RAB30: variants seen among roughly 807,000 people sequenced by gnomAD.
RAB30 encodes RAB30, member RAS oncogene family.
Under a neutral mutation model 25.1 loss-of-function variants are expected in RAB30, and 9 were observed. The observed-to-expected ratio is 0.36, with a 90% CI of 0.22 to 0.63. The LOEUF (loss-of-function observed/expected upper bound fraction) is 0.63, where lower values mean the gene tolerates loss of function less well. Ranked by LOEUF, RAB30 falls within the 20% of genes least tolerant of loss-of-function variation. The pLI is 0.69. For synonymous variants in RAB30, 77 were observed against 86.4 expected (o/e 0.89, Z 0.60); for missense variants, 140 against 243.5 (o/e 0.58, Z 2.83).
At chr11:83,049,973 T>C (rs986970579) in intron 1 of RAB30, among the ~76,000 whole-genome samples, 4 of 152,114 alleles carry the variant, frequency 2.6e-5, no homozygotes, top group Non-Finnish European at 4.4e-5. Context: ...ATTTTAATAA[T>C]GGGGCCAAGC....
chr11:83,069,433 A>T (rs11233448), intron 1 of RAB30, among the ~76,000 whole-genome samples: 34,603 of 152,090 alleles, frequency 0.23, 4,575 homozygotes, highest in Admixed American at 0.29. Flanking sequence ...AAGAGAAGAG[A>T]ATAAAATAAC....
chr11:83,022,161 G>A (rs903055537), intron 1 of RAB30, among the ~76,000 whole-genome samples: 1 of 151,944 alleles, frequency 6.6e-6, no homozygotes, highest in Non-Finnish European at 1.5e-5. Context: ...TGGGGGTGAA[G>A]GGGTGGGAGA....
intron 1 of RAB30, among the ~76,000 whole-genome samples, chr11:83,016,779 G>A (rs1857447924): frequency 6.6e-6 from 1 of 152,230 alleles, no homozygotes; most frequent in Non-Finnish European, 1.5e-5. Flanking sequence ...GGAAGCTTCA[G>A]AGAACTTGGG....
chr11:83,043,368 TAA>T (rs1858170494), intron 1 of RAB30, among the ~76,000 whole-genome samples: 1 of 152,190 alleles, frequency 6.6e-6, no homozygotes, highest in Non-Finnish European at 1.5e-5. Flanking sequence ...CAGCTGAGCC[TAA>T]TCCACATTAG....
intron 1 of RAB30, among the ~76,000 whole-genome samples, chr11:83,045,141 T>C (rs917612461): frequency 5.9e-5 from 9 of 152,214 alleles, no homozygotes; most frequent in Non-Finnish European, 1.0e-4. Flanking sequence ...GAACTCCCAT[T>C]GACTCATCAC....
intron 3 of RAB30, chr11:82,992,412 A>G (rs1346366238): frequency 4.4e-6 from 2 of 455,930 alleles, no homozygotes; most frequent in African/African-American, 4.0e-5. Flanking sequence ...CAGGGCTGGA[A>G]GAGACACTGA....
intron 1 of RAB30, among the ~76,000 whole-genome samples, chr11:83,069,822 T>C (rs1214692797): frequency 6.6e-6 from 1 of 152,182 alleles, no homozygotes; most frequent in Admixed American, 6.5e-5. Flanking sequence ...ATTATGTCTG[T>C]CACAGGAACT....
intron 1 of RAB30, among the ~76,000 whole-genome samples, chr11:83,056,822 T>A (rs1428254515): frequency 1.3e-5 from 2 of 152,214 alleles, no homozygotes; most frequent in Non-Finnish European, 2.9e-5. Context: ...AACACAGTGC[T>A]TGGCAGGTCA....
chr11:83,069,769 G>T (rs531933588), intron 1 of RAB30, among the ~76,000 whole-genome samples: 1 of 152,298 alleles, frequency 6.6e-6, no homozygotes, highest in African/African-American at 2.4e-5. Context: ...AGTGGCATGA[G>T]CCCAACTGCA....
At chr11:83,030,149 C>T (rs1410119476) in intron 1 of RAB30, among the ~76,000 whole-genome samples, 1 of 152,044 alleles carries the variant, frequency 6.6e-6, no homozygotes, top group African/African-American at 2.4e-5. Context: ...TAGAATTTAT[C>T]CATGTAACCA....
chr11:83,021,368 G>A (rs1857574396), intron 1 of RAB30, among the ~76,000 whole-genome samples: 1 of 152,252 alleles, frequency 6.6e-6, no homozygotes, highest in Non-Finnish European at 1.5e-5. Context: ...CTGATCCAGG[G>A]CTGTGACTCC....
chr11:82,988,406 G>A (rs530197843), intron 3 of RAB30, among the ~76,000 whole-genome samples: 1 of 152,320 alleles, frequency 6.6e-6, no homozygotes, highest in South Asian at 2.1e-4. Flanking sequence ...AATTCAAATG[G>A]ATGTATTAAG....
intron 1 of RAB30, among the ~76,000 whole-genome samples, chr11:83,002,547 G>A (rs1857107978): frequency 6.6e-6 from 1 of 151,830 alleles, no homozygotes; most frequent in Non-Finnish European, 1.5e-5. Flanking sequence ...ATTTTAAAAA[G>A]ATACAGGAAA....
At chr11:83,014,700 G>GAAA (rs1175614126) in intron 1 of RAB30, among the ~76,000 whole-genome samples, 1 of 135,300 alleles carries the variant, frequency 7.4e-6, no homozygotes, top group African/African-American at 2.7e-5. Context: ...GAAAGAGAAA[G>GAAA]GAAGGAAGGA....
intron 1 of RAB30, among the ~76,000 whole-genome samples, chr11:83,055,903 T>C (rs1474797883): frequency 7.6e-6 from 1 of 132,244 alleles, no homozygotes; most frequent in Non-Finnish European, 1.6e-5. Flanking sequence ...GCCTGGATCT[T>C]GGACTTTTCC....
At chr11:82,995,507 A>C (rs1856939431) in intron 2 of RAB30, among the ~76,000 whole-genome samples, 1 of 152,216 alleles carries the variant, frequency 6.6e-6, no homozygotes, top group Non-Finnish European at 1.5e-5. Flanking sequence ...AAACAGCTAG[A>C]TCCAGTTCAT....
intron 1 of RAB30, among the ~76,000 whole-genome samples, chr11:83,009,705 G>C (rs889191718): frequency 8.5e-4 from 130 of 152,154 alleles, no homozygotes; most frequent in Non-Finnish European, 1.7e-3. Flanking sequence ...ATGGCCACTG[G>C]TGTTAACCTA....
chr11:83,053,932 A>G (rs1858406033), intron 1 of RAB30, among the ~76,000 whole-genome samples: 1 of 152,218 alleles, frequency 6.6e-6, no homozygotes, highest in Non-Finnish European at 1.5e-5. Context: ...TCTACTAAAA[A>G]TACAAAAAGT....
chr11:82,997,342 G>T lies in RAB30; in HGVS notation c.-8-18C>A. ...TTACACAGCTGCAAGGCAAACACAG[G>T]CAAAAGTGAGAAAGGCCCAGTCAGA... On this transcript the variant is annotated intron_variant, in intron 1 of 4. Transcript: ENST00000527633. The T allele has an allele frequency of 6.5e-7, 1 of 1,542,520 alleles. No individual in the cohort carries two copies. The highest frequency in any genetic ancestry group is 9.0e-7 in the Non-Finnish European group (1 of 1,115,554).
Sources: gnomAD v4.1 joint callset for allele counts (sites outside exome capture counted in the v4.1 genomes callset) on GRCh38, gnomAD v4.1.1 for gene constraint, MANE v1.5 for transcripts, NCBI Gene and HGNC (gene_info 2026-07-23, HGNC 2026-07-21) for gene names.